The following CCND3 variants were observed in gnomAD, a reference collection of about 807,000 sequenced individuals.
CCND3 encodes cyclin D3, also known as G1/S-specific cyclin-D3.
A neutral mutation model predicts 28.7 loss-of-function variants in CCND3; 9 were observed. That is an observed-to-expected ratio of 0.31 (90% CI 0.19 to 0.55). The LOEUF (loss-of-function observed/expected upper bound fraction) is 0.55, where lower values mean the gene tolerates loss of function less well. Among genes scored for constraint, CCND3 ranks in the 20% least tolerant of loss-of-function variants. The pLI is 0.93. For synonymous variants in CCND3, 164 were observed against 163.9 expected (o/e 1.00, Z 0.00); for missense variants, 315 against 385.8 (o/e 0.82, Z 1.54).
chr6:41,978,984 C>T (rs1762255628), intron 1 of CCND3, among the ~76,000 whole-genome samples: 1 of 149,974 alleles, frequency 6.7e-6, no homozygotes, highest in Admixed American at 6.7e-5. Flanking sequence ...CCAATTTGAC[C>T]AACATGGAGA....
At chr6:42,039,501 G>A (rs910425529) in intron 1 of CCND3, among the ~76,000 whole-genome samples, 1 of 152,190 alleles carries the variant, frequency 6.6e-6, no homozygotes, top group Non-Finnish European at 1.5e-5. Context: ...GCCAAGGTGA[G>A]AGGTCCTGCA....
chr6:41,988,834 G>C (rs907378447), intron 1 of CCND3, among the ~76,000 whole-genome samples: 2 of 150,704 alleles, frequency 1.3e-5, no homozygotes, highest in African/African-American at 4.9e-5. Context: ...GAATAGCTGG[G>C]ACTACAGGCG....
chr6:42,025,406 C>A (rs765278059), intron 1 of CCND3, among the ~76,000 whole-genome samples: 2 of 152,134 alleles, frequency 1.3e-5, no homozygotes, highest in Non-Finnish European at 2.9e-5. Context: ...ACTAGGGCCA[C>A]GGGTAATGGG....
rs1210490186 is a variant in CCND3, at chr6:41,949,939, C to CAA, written c.-45-9356_-45-9355dup. 2.7e-4 allele frequency among the ~76,000 whole-genome samples: 35 copies of CAA among 128,434 alleles called. 1 individual carries two copies. The highest frequency in any genetic ancestry group is 5.9e-4 in the African/African-American group (21 of 35,626). 84.3% of individuals were successfully genotyped at this position (128,434 alleles called of 152,430 possible). A position where few individuals can be genotyped will look rare whatever the true frequency, so the allele number is the denominator to read the frequency against. ...GAAACCCTGTCTTTACTAAAAATATCAAAAAAAAAAAAAAATAGCCAGGTG... is the reference window on the plus strand; with the variant it reads ...GAAACCCTGTCTTTACTAAAAATATCAAAAAAAAAAAAAAAAATAGCCAGGTG... On this transcript the variant is annotated intron_variant, in intron 1 of 4. Coordinates refer to the CCND3 transcript ENST00000372988.
chr6:41,982,141 G>A (rs1762364608), intron 1 of CCND3, among the ~76,000 whole-genome samples: 1 of 151,194 alleles, frequency 6.6e-6, no homozygotes, highest in African/African-American at 2.4e-5. Flanking sequence ...GTGGTGGTGG[G>A]TGCCTGTAGT....
chr6:41,942,861 TG>T (rs1221635377), upstream of CCND3, among the ~76,000 whole-genome samples: 4 of 150,424 alleles, frequency 2.7e-5, no homozygotes, highest in South Asian at 8.4e-4. Flanking sequence ...AACCATTTTC[TG>T]TTAATTATTC....
chr6:41,936,674 G>A lies in CCND3; in HGVS notation c.596C>T (p.Pro199Leu), dbSNP rs765165406. The A allele has an allele frequency of 6.2e-7, 1 of 1,614,080 alleles. No homozygotes were observed. The highest frequency in any genetic ancestry group is 8.5e-7 in the Non-Finnish European group (1 of 1,179,994). ...CATDYTFAMY[P>L]PSMIATGSIG... ...GCTGCCCGTGGCGATCATGGATGGC[G>A]GGTACATGGCAAAGGTATAATCTTG... is the stretch of plus-strand genomic sequence containing the variant. The change falls in exon 4 of 5, where the codon CCG becomes CTG. Residue 199 changes from proline (P) to leucine (L), a missense_variant. Pro to Leu is a moderately conservative substitution (Grantham distance 98, BLOSUM62 -3). Transcript: ENST00000372991. The surrounding 1 kb of genome is among the most constrained non-coding windows in gnomAD (Gnocchi z 4.4).
At position 41,987,523 on chromosome 6, in the gene CCND3, G is replaced by C. The variant is rs973743735; in HGVS notation, c.-45-46938C>G. 9.4e-5 allele frequency among the ~76,000 whole-genome samples: 7 copies of C among 74,166 alleles called. No individual in the cohort carries two copies. The East Asian group carries it at 2.5e-3, about 27-fold the overall frequency. 48.7% of individuals were successfully genotyped at this position (74,166 alleles called of 152,430 possible). ...TCTCTCTCTCTCTCTCTCTCTGTGTGTGTGTGTGTGTGTGTGTGTGTGTGT... is the reference window on the plus strand; with the variant it reads ...TCTCTCTCTCTCTCTCTCTCTGTGTCTGTGTGTGTGTGTGTGTGTGTGTGT... On this transcript the variant is annotated intron_variant, in intron 1 of 4. Transcript: ENST00000372988.
intron 1 of CCND3, among the ~76,000 whole-genome samples, chr6:41,987,554 T>C (rs1335357847): frequency 1.4e-5 from 2 of 147,650 alleles, no homozygotes; most frequent in African/African-American, 5.0e-5. Context: ...TGTGTGTGTG[T>C]GTTTTAGAGA....
At chr6:42,013,316 C>G (rs1194184546) in intron 1 of CCND3, among the ~76,000 whole-genome samples, 1 of 152,188 alleles carries the variant, frequency 6.6e-6, no homozygotes, top group Non-Finnish European at 1.5e-5. Flanking sequence ...ACGGTTTTCT[C>G]TTGTGAACCA....
intron 1 of CCND3, among the ~76,000 whole-genome samples, chr6:42,020,899 G>A (rs1040367490): frequency 3.3e-5 from 5 of 152,132 alleles, no homozygotes; most frequent in East Asian, 1.9e-4. Context: ...TTACAGGCAC[G>A]TGCCACCATG....
chr6:41,975,740 T>C (rs935064973), intron 1 of CCND3, among the ~76,000 whole-genome samples: 37 of 151,212 alleles, frequency 2.4e-4, no homozygotes, highest in Non-Finnish European at 4.9e-4. Context: ...TGCTTGACTT[T>C]TTTTTTTTTT....
intron 1 of CCND3, among the ~76,000 whole-genome samples, chr6:41,982,297 AT>A: frequency 6.6e-6 from 1 of 151,434 alleles, no homozygotes. Flanking sequence ...AAAGTTCATC[AT>A]TTCCTATATA....
chr6:42,027,667 A>G (rs924515099), intron 1 of CCND3, among the ~76,000 whole-genome samples: 1 of 152,090 alleles, frequency 6.6e-6, no homozygotes, highest in East Asian at 1.9e-4. Context: ...CCAGAGCCCA[A>G]ATCTCCTCCT....
intron 1 of CCND3, among the ~76,000 whole-genome samples, chr6:41,969,897 C>T (rs909477363): frequency 6.6e-6 from 1 of 152,094 alleles, no homozygotes; most frequent in Admixed American, 6.6e-5. Context: ...CCCTGAACCT[C>T]AGTTGTTTGC....
intron 1 of CCND3, among the ~76,000 whole-genome samples, chr6:41,951,097 A>T (rs1003997999): frequency 1.3e-5 from 2 of 152,106 alleles, no homozygotes; most frequent in Admixed American, 1.3e-4. Context: ...TGAAGACAGA[A>T]GACTTTTACC....
intron 1 of CCND3, among the ~76,000 whole-genome samples, chr6:41,993,410 CTTTTTTTTTT>C (rs70987558): frequency 3.0e-5 from 3 of 101,692 alleles, no homozygotes; most frequent in African/African-American, 1.1e-4. Flanking sequence ...CTCATGTCTT[CTTTTTTTTTT>C]TTTTTTTTTG....
At chr6:42,036,458 G>A (rs1359888784) in intron 1 of CCND3, among the ~76,000 whole-genome samples, 1 of 124,924 alleles carries the variant, frequency 8.0e-6, no homozygotes, top group South Asian at 2.6e-4. Flanking sequence ...CACCCAGGCT[G>A]GAGTGCAGTG....
intron 1 of CCND3, among the ~76,000 whole-genome samples, chr6:42,036,399 A>T (rs186301357): frequency 0.051 from 2,227 of 43,670 alleles, 100 homozygotes; most frequent in Non-Finnish European, 0.061. Flanking sequence ...ATATATATAT[A>T]TATATTTTTT....
Sources: gnomAD v4.1 joint callset for allele counts (sites outside exome capture counted in the v4.1 genomes callset) on GRCh38, gnomAD v4.1.1 for gene constraint, Gnocchi (gnomAD v3.1) non-coding constraint, MANE v1.5 for transcripts, NCBI Gene and HGNC (gene_info 2026-07-23, HGNC 2026-07-21) for gene names.